The following DACT1 variants were observed in gnomAD, a reference collection of about 807,000 sequenced individuals.
The protein encoded by DACT1 is dapper homolog 1.
A neutral mutation model predicts 35.3 loss-of-function variants in DACT1; 19 were observed. The observed-to-expected ratio is 0.54, with a 90% CI of 0.38 to 0.79. The LOEUF is 0.79. DACT1 is among the 30% of genes least tolerant of loss of function. The probability of loss-of-function intolerance (pLI) is 0.00; values close to 1 mark genes in which losing one functional copy is unlikely to be tolerated. For missense variants in DACT1, 1,143 were observed against 1,057.5 expected (o/e 1.08, Z -1.12); for synonymous variants, 545 against 466.7 (o/e 1.17, Z -2.16).
chr14:58,634,087 A>AG (rs1374698614), upstream of DACT1: 3 of 152,246 alleles, frequency 2.0e-5, no homozygotes, highest in East Asian at 5.8e-4. Flanking sequence ...TGCAGGAGGA[A>AG]GCAGGAGCCT....
At chr14:58,644,686 A>C (rs1210813545) in intron 3 of DACT1, among the ~76,000 whole-genome samples, 2 of 152,244 alleles carry the variant, frequency 1.3e-5, no homozygotes, top group African/African-American at 4.8e-5. Context: ...AAAAAACACA[A>C]AATGAGGAGA....
Position 58,646,800 on chromosome 14 carries a change from A to G in DACT1, c.2066A>G (p.Tyr689Cys), listed in dbSNP as rs2047693459. The G allele has an allele frequency of 1.2e-6, 2 of 1,613,966 alleles. No homozygotes were observed. Among genetic ancestry groups the G allele is most frequent in the Non-Finnish European group, 1.7e-6 (2 of 1,180,024 alleles). ...PYAYVASDSE[Y>C]SAECESLFHS... ...GCCTACGTGGCTAGCGACTCCGAGT[A>G]CTCGGCCGAGTGCGAGTCCCTGTTC... The change falls in exon 4 of 4, where the codon TAC becomes TGC. Residue 689 changes from tyrosine to cysteine, a missense_variant. This residue lies in a region of DACT1 where 1,054 missense variants were observed against 958.8 expected (regional missense o/e 1.10). Transcript: ENST00000395153.
rs1025694806 is a variant in DACT1, at chr14:58,647,227, C to T, written c.*93C>T. The T allele has an allele frequency of 1.4e-6, 2 of 1,408,704 alleles. No individual in the cohort carries two copies. The highest frequency in any genetic ancestry group is 2.9e-5 in the African/African-American group (2 of 68,574). 87.3% of individuals were successfully genotyped at this position (1,408,704 alleles called of 1,614,324 possible). On this transcript the variant is annotated 3_prime_UTR_variant, in exon 4 of 4. Coordinates refer to ENST00000395153, the MANE Select transcript of DACT1 (RefSeq NM_001079520.2). ...GTGGTGTTTTCATTTTTGTATAATA[C>T]TTTAATGGAATGCTTTTTAAAAAAA...
chr14:58,635,866 A>G (rs1174426337), upstream of DACT1, among the ~76,000 whole-genome samples: 1 of 152,226 alleles, frequency 6.6e-6, no homozygotes, highest in Non-Finnish European at 1.5e-5. Context: ...AGTCAGAGGA[A>G]TCTAATTCAG....
chr14:58,639,238 T>G (rs1595595796), intron 1 of DACT1: 3 of 985,394 alleles, frequency 3.0e-6, no homozygotes, highest in Non-Finnish European at 3.6e-6. Context: ...GTGGTGGAGG[T>G]GGGAGAAAAG....
chr14:58,640,708 C>G, intron 1 of DACT1, 28 bp from the exon 2 acceptor site: 1 of 1,613,268 alleles, frequency 6.2e-7, no homozygotes, highest in Middle Eastern at 1.7e-4. Context: ...CCTGTATGTT[C>G]ATGTTTCCTT....
At chr14:58,640,526 A>G (rs557671914) in intron 1 of DACT1, among the ~76,000 whole-genome samples, 1 of 152,244 alleles carries the variant, frequency 6.6e-6, no homozygotes, top group Non-Finnish European at 1.5e-5. Context: ...AAGAAACTTT[A>G]TATCACCACA....
chr14:58,647,007 C>A lies in DACT1; in HGVS notation c.2273C>A (p.Thr758Lys), dbSNP rs773828792. The change falls in exon 4 of 4, where the codon ACG becomes AAG. Residue 758 changes from threonine to lysine, a missense_variant. Physicochemically the swap from Thr to Lys is moderately conservative, Grantham distance 78. Transcript: ENST00000395153. ...TTTGTCCAGACTCTGCCCATTCAAA[C>A]GGTAACGGCCCCAGACCTTCACAAC... is the stretch of plus-strand genomic sequence containing the variant. ...SQFVQTLPIQ[T>K]VTAPDLHNHP... is the part of the protein sequence containing the mutation. The A allele has an allele frequency of 6.2e-7, 1 of 1,614,060 alleles. No homozygotes were observed. The highest frequency in any genetic ancestry group is 1.3e-5 in the African/African-American group (1 of 74,920).
intron 1 of DACT1, among the ~76,000 whole-genome samples, chr14:58,639,579 C>CTG (rs148660709): frequency 0.021 from 3,214 of 151,476 alleles, 55 homozygotes; most frequent in African/African-American, 0.044. Context: ...TTTCTTTTCT[C>CTG]TGTGTGTGTG....
At position 58,646,117 on chromosome 14, in the gene DACT1, G is replaced by A. The variant is rs1330478149; in HGVS notation, c.1383G>A (p.Gln461=). Residue 461 remains glutamine (Q), a synonymous_variant, in exon 4 of 4, where the codon CAG becomes CAA. Transcript: ENST00000395153. ...CTAGCAGAGGCCCTGCCCCGCCGCA[G>A]GAGAACAAAGTTGTACAGCCCCTGA... The part of the protein sequence containing the change: ...ESPSRGPAPP[Q]ENKVVQPLKK... 1.2e-6 allele frequency: 2 copies of A among 1,612,772 alleles called. No individual in the cohort carries two copies. Among genetic ancestry groups the A allele is most frequent in the Non-Finnish European group, 1.7e-6 (2 of 1,179,656 alleles).
upstream of DACT1, among the ~76,000 whole-genome samples, chr14:58,634,900 G>A (rs2047564230): frequency 6.6e-6 from 1 of 152,180 alleles, no homozygotes; most frequent in African/African-American, 2.4e-5. Context: ...AGATCTTCAA[G>A]CATAAGTTAA....
At chr14:58,641,542 T>C (rs758191914) in intron 2 of DACT1, 50 bp from the exon 3 acceptor site, 9 of 1,554,948 alleles carry the variant, frequency 5.8e-6, no homozygotes, top group Non-Finnish European at 7.9e-6. Flanking sequence ...AGCGTGAATA[T>C]GCATTATTTC....
chr14:58,634,468 G>A (rs1036128074), upstream of DACT1, among the ~76,000 whole-genome samples: 1 of 152,166 alleles, frequency 6.6e-6, no homozygotes, highest in Non-Finnish European at 1.5e-5. Context: ...GTGGGGTCAA[G>A]CTATAATTAG....
rs1304806518 is a variant in DACT1 at position 58,638,337 on chromosome 14, G to A, written c.135G>A (p.Arg45=). The A allele has an allele frequency of 4.6e-6, 6 of 1,312,792 alleles. No individual in the cohort carries two copies. Among genetic ancestry groups the A allele is most frequent in the Non-Finnish European group, 5.8e-6 (6 of 1,036,220 alleles). 81.3% of individuals were successfully genotyped at this position (1,312,792 alleles called of 1,614,324 possible). The change falls in exon 1 of 4, where the codon CGG becomes CGA. Residue 45 remains arginine, a synonymous_variant. Coordinates refer to ENST00000395153, the MANE Select transcript of DACT1 (RefSeq NM_001079520.2). ...CAGACACCGAGCGGCAGCGCACCCG[G>A]GAGCGGCAGGAGGCCACGCTGGCCG... is the stretch of plus-strand genomic sequence containing the variant. ...GEADTERQRT[R]ERQEATLAGL...
chr14:58,640,235 C>T (rs2047614425), intron 1 of DACT1, among the ~76,000 whole-genome samples: 2 of 152,200 alleles, frequency 1.3e-5, no homozygotes, highest in African/African-American at 4.8e-5. Flanking sequence ...TTCTCACTTT[C>T]AAAGGCTCTA....
Position 58,638,267 on chromosome 14 carries a change from A to G in DACT1, c.65A>G (p.Gln22Arg). Reference sequence around the variant, plus strand: ...CCTCCGGCGCCGGCCCGAGGCGAGCAGCGCACGGCGGAGCCCGAGGGGCGC... The same window carrying G: ...CCTCCGGCGCCGGCCCGAGGCGAGCGGCGCACGGCGGAGCCCGAGGGGCGC... ...LEPPAPARGE[Q>R]RTAEPEGRWR... is the part of the protein sequence containing the mutation. Residue 22 changes from glutamine (Q) to arginine (R), a missense_variant, in exon 1 of 4, where the codon CAG becomes CGG. By Grantham distance (43) the Gln-to-Arg change is conservative. Coordinates refer to ENST00000395153, the MANE Select transcript of DACT1 (RefSeq NM_001079520.2). 2 of 1,359,312 alleles carry G rather than the reference A, an allele frequency of 1.5e-6. No individual in the cohort carries two copies. Among genetic ancestry groups the G allele is most frequent in the Non-Finnish European group, 1.9e-6 (2 of 1,058,208 alleles). 84.2% of individuals were successfully genotyped at this position (1,359,312 alleles called of 1,614,324 possible).
In DACT1 at chr14:58,646,809, A is replaced by T. The variant is rs1431492653; in HGVS notation, c.2075A>T (p.Glu692Val). ...YVASDSEYSA[E>V]CESLFHSTVV... is the part of the protein sequence containing the mutation. Reference sequence around the variant, plus strand: ...GCTAGCGACTCCGAGTACTCGGCCGAGTGCGAGTCCCTGTTCCACTCCACC... The same window carrying T: ...GCTAGCGACTCCGAGTACTCGGCCGTGTGCGAGTCCCTGTTCCACTCCACC... Residue 692 changes from glutamate (E) to valine (V), a missense_variant, in exon 4 of 4, where the codon GAG becomes GTG. By Grantham distance (121) the Glu-to-Val change is moderately radical. Around this residue, in one of 3 missense-constraint regions of DACT1, gnomAD observed 1,054 missense variants for 958.8 expected, o/e 1.10. Coordinates refer to ENST00000395153, the MANE Select transcript of DACT1 (RefSeq NM_001079520.2). The T allele has an allele frequency of 6.2e-7, 1 of 1,614,028 alleles. No individual in the cohort carries two copies. The highest frequency in any genetic ancestry group is 8.5e-7 in the Non-Finnish European group (1 of 1,180,030).
upstream of DACT1, chr14:58,637,950 G>T (rs2047588045): frequency 4.6e-6 from 1 of 218,168 alleles, no homozygotes; most frequent in Non-Finnish European, 8.7e-6. Flanking sequence ...GTGACGTAGC[G>T]CCGGGCAGGG....
chr14:58,645,881 T>C lies in DACT1; in HGVS notation c.1147T>C (p.Ser383Pro). ...NGTFSPPKQW[S>P]KESKAEQAES... ...GACATTCTCCCCACCGAAGCAGTGGTCGAAAGAATCAAAGGCCGAACAAGC... is the reference window on the plus strand; with the variant it reads ...GACATTCTCCCCACCGAAGCAGTGGCCGAAAGAATCAAAGGCCGAACAAGC... The change falls in exon 4 of 4, where the codon TCG (serine) becomes CCG (proline). Residue 383 changes from serine (S) to proline (P), a missense_variant. This residue lies in a region of DACT1 where 1,054 missense variants were observed against 958.8 expected (regional missense o/e 1.10). Transcript: ENST00000395153. 6.2e-7 allele frequency: 1 copy of C among 1,614,014 alleles called. No individual in the cohort carries two copies. The highest frequency in any genetic ancestry group is 8.5e-7 in the Non-Finnish European group (1 of 1,179,986).
Sources: gnomAD v4.1 joint callset for allele counts (sites outside exome capture counted in the v4.1 genomes callset) on GRCh38, gnomAD v4.1.1 for gene constraint, gnomAD v4.1.1 regional missense constraint, MANE v1.5 for transcripts, NCBI Gene and HGNC (gene_info 2026-07-23, HGNC 2026-07-21) for gene names.